The following EGR1 variants were observed in gnomAD, a reference collection of about 807,000 sequenced individuals.
EGR1 encodes early growth response 1.
In EGR1, 8 loss-of-function variants were observed where a neutral mutation model predicts 30.2. The ratio of observed to expected loss-of-function variants is 0.26; its 90% CI spans 0.16 to 0.48. The LOEUF is 0.48. Ranked by LOEUF, EGR1 falls within the 20% of genes least tolerant of loss-of-function variation. The pLI is 0.99. For synonymous variants in EGR1, 334 were observed against 312.8 expected, an observed-to-expected ratio of 1.07 and a Z score of -0.72; for missense variants, 568 against 732.3, an observed-to-expected ratio of 0.78 and a Z score of 2.59.
chr5:138,467,960 C>G lies in EGR1; in HGVS notation c.1511C>G (p.Pro504Arg). The part of the protein sequence containing the change: ...SVATTYSSVP[P>R]AFPAQVSSFP... The stretch of plus-strand genomic sequence containing the variant: ...GCCACCACGTACTCCTCTGTTCCCC[C>G]TGCTTTCCCGGCCCAGGTCAGCAGC... The change falls in exon 2 of 2, where the codon CCT becomes CGT. Residue 504 changes from proline (P) to arginine (R), a missense_variant. Around this residue, in one of 4 missense-constraint regions of EGR1, gnomAD observed 118 missense variants for 161.6 expected, o/e 0.73. Coordinates refer to ENST00000239938, the MANE Select transcript of EGR1 (RefSeq NM_001964.3). The surrounding 1 kb of genome is among the most constrained non-coding windows in gnomAD (Gnocchi z 8.3). 1 of 1,614,108 alleles carries G rather than the reference C, an allele frequency of 6.2e-7. No individual in the cohort carries two copies. The highest frequency in any genetic ancestry group is 8.5e-7 in the Non-Finnish European group (1 of 1,180,000).
Position 138,468,927 on chromosome 5 carries a change from G to C in EGR1, c.*846G>C, listed in dbSNP as rs199706517. Reference sequence around the variant, plus strand: ...GGACATGCTCACCTCTAGCCTTAAGGGGGGCAGGGAGTGATGATTTGGGGG... The same window carrying C: ...GGACATGCTCACCTCTAGCCTTAAGCGGGGCAGGGAGTGATGATTTGGGGG... On this transcript the variant is annotated 3_prime_UTR_variant, in exon 2 of 2. Coordinates refer to ENST00000239938, the MANE Select transcript of EGR1 (RefSeq NM_001964.3). 9 of 152,462 alleles carry C rather than the reference G, an allele frequency of 5.9e-5. No individual in the cohort carries two copies. Among genetic ancestry groups the C allele is most frequent in the East Asian group, 1.9e-4 (1 of 5,172 alleles). 9.4% of individuals were successfully genotyped at this position (152,462 alleles called of 1,614,324 possible).
chr5:138,466,155 G>A lies in EGR1; in HGVS notation c.307+87G>A, dbSNP rs570552373. On this transcript the variant is annotated intron_variant, in intron 1 of 1. Transcript: ENST00000239938. Reference sequence around the variant, plus strand: ...ACCGCAGGAGTGCTCCTGGATCTTAGAATGAGAGCCGGGTTTCCCTTTCAT... The same window carrying A: ...ACCGCAGGAGTGCTCCTGGATCTTAAAATGAGAGCCGGGTTTCCCTTTCAT... 16 of 1,443,322 alleles carry A rather than the reference G, an allele frequency of 1.1e-5. No homozygotes were observed. The East Asian group carries it at 2.7e-4, about 25-fold the overall frequency. 89.4% of individuals were successfully genotyped at this position (1,443,322 alleles called of 1,614,324 possible). A position where few individuals can be genotyped will look rare whatever the true frequency, so the allele number is the denominator to read the frequency against.
At position 138,465,766 on chromosome 5, in the gene EGR1, C is replaced by T; in HGVS notation, c.5C>T (p.Ala2Val). The part of the protein sequence containing the change: M[A>V]AAKAEMQLMS... ...TCTCCAGCCTGCTCGTCCAGGATGGCCGCGGCCAAGGCCGAGATGCAGCTG... is the reference window on the plus strand; with the variant it reads ...TCTCCAGCCTGCTCGTCCAGGATGGTCGCGGCCAAGGCCGAGATGCAGCTG... The change falls in exon 1 of 2, where the codon GCC becomes GTC. Residue 2 changes from alanine to valine, a missense_variant. Transcript: ENST00000239938. 6.3e-7 allele frequency: 1 copy of T among 1,597,780 alleles called. No individual in the cohort carries two copies.
At chr5:138,466,659 T>C in intron 1 of EGR1, 98 bp from the exon 2 acceptor site, 1 of 1,406,626 alleles carries the variant, frequency 7.1e-7, no homozygotes, top group Non-Finnish European at 9.7e-7. Flanking sequence ...GAGTCAATGG[T>C]AGCCGGCCCG....
Position 138,467,654 on chromosome 5 carries a change from G to A in EGR1, c.1205G>A (p.Gly402Glu). 1 of 1,614,174 alleles carries A rather than the reference G, an allele frequency of 6.2e-7. No individual in the cohort carries two copies. The highest frequency in any genetic ancestry group is 8.5e-7 in the Non-Finnish European group (1 of 1,180,042). The change falls in exon 2 of 2, where the codon GGA (glycine) becomes GAA (glutamate). Residue 402 changes from glycine to glutamate, a missense_variant. Physicochemically the swap from Gly to Glu is moderately conservative, Grantham distance 98. Around this residue, in one of 4 missense-constraint regions of EGR1, gnomAD observed 17 missense variants for 97.8 expected, o/e 0.17. Transcript: ENST00000239938. The surrounding 1 kb of genome is among the most constrained non-coding windows in gnomAD (Gnocchi z 8.3). ...GEKPFACDIC[G>E]RKFARSDERK... Reference sequence around the variant, plus strand: ...AAGCCCTTCGCCTGCGACATCTGTGGAAGAAAGTTTGCCAGGAGCGATGAA... The same window carrying A: ...AAGCCCTTCGCCTGCGACATCTGTGAAAGAAAGTTTGCCAGGAGCGATGAA...
At chr5:138,466,319 GGA>G (rs1764157769) in intron 1 of EGR1, among the ~76,000 whole-genome samples, 1 of 152,266 alleles carries the variant, frequency 6.6e-6, no homozygotes, top group Non-Finnish European at 1.5e-5. Flanking sequence ...GTGGGTGGGT[GGA>G]GGGGGAGGGC....
chr5:138,468,254 C>G lies in EGR1; in HGVS notation c.*173C>G. ...AAGGTCTATTGGCCAACAATCCTTT[C>G]TGCCCACTTCCCCTTCCCCAATTAC... On this transcript the variant is annotated 3_prime_UTR_variant, in exon 2 of 2. Transcript: ENST00000239938. 1 of 1,397,578 alleles carries G rather than the reference C, an allele frequency of 7.2e-7. No individual in the cohort carries two copies. The highest frequency in any genetic ancestry group is 9.8e-7 in the Non-Finnish European group (1 of 1,022,498). The allele number at this position is 1,397,578 out of a possible 1,614,324, so 86.6% of individuals were successfully genotyped here.
intron 1 of EGR1, 35 bp from the exon 2 acceptor site, chr5:138,466,722 G>GT (rs1561814155): frequency 3.2e-6 from 5 of 1,577,468 alleles, no homozygotes; most frequent in Non-Finnish European, 4.3e-6. Flanking sequence ...TTGCTTTCCA[G>GT]TAACCAGGCC....
chr5:138,467,386 T>A lies in EGR1; in HGVS notation c.937T>A (p.Ser313Thr). ...GAAGGCCCTCAATACCAGCTACCAG[T>A]CCCAGCTCATCAAACCCAGCCGCAT... ...DLKALNTSYQ[S>T]QLIKPSRMRK... Residue 313 changes from serine (S) to threonine (T), a missense_variant, in exon 2 of 2, where the codon TCC becomes ACC. Around this residue, in one of 4 missense-constraint regions of EGR1, gnomAD observed 415 missense variants for 445.2 expected, o/e 0.93. Transcript: ENST00000239938. The surrounding 1 kb of genome is among the most constrained non-coding windows in gnomAD (Gnocchi z 8.3). 1 of 1,613,948 alleles carries A rather than the reference T, an allele frequency of 6.2e-7. No individual in the cohort carries two copies. Among genetic ancestry groups the A allele is most frequent in the Non-Finnish European group, 8.5e-7 (1 of 1,179,976 alleles).
Position 138,465,984 on chromosome 5 carries a change from G to A in EGR1, c.223G>A (p.Gly75Ser), listed in dbSNP as rs1382558474. 1.2e-6 allele frequency: 2 copies of A among 1,609,976 alleles called. No individual in the cohort carries two copies. The highest frequency in any genetic ancestry group is 2.2e-5 in the East Asian group (1 of 44,804). The change falls in exon 1 of 2, where the codon GGC becomes AGC. Residue 75 changes from glycine (G) to serine (S), a missense_variant. Physicochemically the swap from Gly to Ser is moderately conservative, Grantham distance 56. This residue lies in a region of EGR1 where 415 missense variants were observed against 445.2 expected (regional missense o/e 0.93). Transcript: ENST00000239938. ...SSSGGGGGGG[G>S]GSNSSSSSST... is the part of the protein sequence containing the mutation. ...CAGCGGGGGCGGTGGAGGCGGCGGG[G>A]GCGGCAGCAACAGCAGCAGCAGCAG... is the stretch of plus-strand genomic sequence containing the variant.
chr5:138,467,463 C>T lies in EGR1; in HGVS notation c.1014C>T (p.Tyr338=), dbSNP rs1231482673. 6.2e-7 allele frequency: 1 copy of T among 1,613,940 alleles called. No individual in the cohort carries two copies. Among genetic ancestry groups the T allele is most frequent in the Non-Finnish European group, 8.5e-7 (1 of 1,180,022 alleles). The part of the protein sequence containing the change: ...PSKTPPHERP[Y]ACPVESCDRR... ...AGACGCCCCCCCACGAACGCCCTTACGCTTGCCCAGTGGAGTCCTGTGATC... is the reference window on the plus strand; with the variant it reads ...AGACGCCCCCCCACGAACGCCCTTATGCTTGCCCAGTGGAGTCCTGTGATC... Residue 338 remains tyrosine, a synonymous_variant, in exon 2 of 2, where the codon TAC becomes TAT. Transcript: ENST00000239938. This position sits in a 1 kb window ranked among gnomAD's most constrained non-coding sequence, Gnocchi z 8.3.
chr5:138,466,964 C>G lies in EGR1; in HGVS notation c.515C>G (p.Ser172Cys), dbSNP rs774169562. The G allele has an allele frequency of 1.9e-6, 3 of 1,614,082 alleles. No homozygotes were observed. The highest frequency in any genetic ancestry group is 1.7e-5 in the Admixed American group (1 of 60,022). ...VSMTNPPASS[S>C]SAPSPAASSA... is the part of the protein sequence containing the mutation. ...ATGACCAACCCACCGGCCTCCTCGT[C>G]CTCAGCACCATCTCCAGCGGCCTCC... is the stretch of plus-strand genomic sequence containing the variant. The change falls in exon 2 of 2, where the codon TCC becomes TGC. Residue 172 changes from serine (S) to cysteine (C), a missense_variant. Physicochemically the swap from Ser to Cys is moderately radical, Grantham distance 112. Coordinates refer to ENST00000239938, the MANE Select transcript of EGR1 (RefSeq NM_001964.3).
Position 138,467,964 on chromosome 5 carries a change from T to G in EGR1, c.1515T>G (p.Ala505=), listed in dbSNP as rs1420430497. The change falls in exon 2 of 2, where the codon GCT becomes GCG. Residue 505 remains alanine, a synonymous_variant. Coordinates refer to ENST00000239938, the MANE Select transcript of EGR1 (RefSeq NM_001964.3). This position sits in a 1 kb window ranked among gnomAD's most constrained non-coding sequence, Gnocchi z 8.3. ...VATTYSSVPP[A]FPAQVSSFPS... ...CCACGTACTCCTCTGTTCCCCCTGCTTTCCCGGCCCAGGTCAGCAGCTTCC... is the reference window on the plus strand; with the variant it reads ...CCACGTACTCCTCTGTTCCCCCTGCGTTCCCGGCCCAGGTCAGCAGCTTCC... 1 of 1,614,010 alleles carries G rather than the reference T, an allele frequency of 6.2e-7. No individual in the cohort carries two copies. The highest frequency in any genetic ancestry group is 1.1e-5 in the South Asian group (1 of 91,064).
rs772158966 is a variant in EGR1 at position 138,465,997 on chromosome 5, G to A, written c.236G>A (p.Ser79Asn). 1.2e-5 allele frequency: 18 copies of A among 1,564,106 alleles called. No individual in the cohort carries two copies. Among genetic ancestry groups the A allele is most frequent in the Non-Finnish European group, 1.4e-5 (16 of 1,150,452 alleles). The change falls in exon 1 of 2, where the codon AGC (serine) becomes AAC (asparagine). Residue 79 changes from serine to asparagine, a missense_variant. By Grantham distance (46) the Ser-to-Asn change is conservative (BLOSUM62 1). Coordinates refer to ENST00000239938, the MANE Select transcript of EGR1 (RefSeq NM_001964.3). ...GGGGGGGGSN[S>N]SSSSSTFNPQ... Reference sequence around the variant, plus strand: ...GGAGGCGGCGGGGGCGGCAGCAACAGCAGCAGCAGCAGCAGCACCTTCAAC... The same window carrying A: ...GGAGGCGGCGGGGGCGGCAGCAACAACAGCAGCAGCAGCAGCACCTTCAAC...
intron 1 of EGR1, among the ~76,000 whole-genome samples, 177 bp downstream of exon 1, chr5:138,466,245 C>T (rs2127036808): frequency 6.6e-6 from 1 of 152,388 alleles, no homozygotes; most frequent in Non-Finnish European, 1.5e-5. Context: ...CCACCCCCTG[C>T]CCTCATCCCT....
At chr5:138,466,090 G>A in intron 1 of EGR1, 22 bp downstream of exon 1, 1 of 1,533,770 alleles carries the variant, frequency 6.5e-7, no homozygotes, top group Middle Eastern at 1.7e-4. Context: ...CCTACGCCGA[G>A]GGGGAACCCT....
chr5:138,465,599 G>T lies in EGR1; in HGVS notation c.-163G>T, dbSNP rs1004424241. On this transcript the variant is annotated 5_prime_UTR_variant, in exon 1 of 2. Coordinates refer to ENST00000239938, the MANE Select transcript of EGR1 (RefSeq NM_001964.3). The stretch of plus-strand genomic sequence containing the variant: ...CCGCAGCCGCGGCGCGTCCACGCCC[G>T]CCCGCGCCCAGGGCGAGTCGGGGTC... The T allele has an allele frequency of 1.4e-6, 1 of 708,724 alleles. No individual in the cohort carries two copies. Among genetic ancestry groups the T allele is most frequent in the Admixed American group, 4.4e-5 (1 of 22,842 alleles). 43.9% of individuals were successfully genotyped at this position (708,724 alleles called of 1,614,324 possible). A position where few individuals can be genotyped will look rare whatever the true frequency, so the allele number is the denominator to read the frequency against.
Position 138,467,922 on chromosome 5 carries a change from C to T in EGR1, c.1473C>T (p.Pro491=), listed in dbSNP as rs956754060. ...CATCCCCTGTGCACAGTGGCTTCCC[C>T]TCCCCGTCGGTGGCCACCACGTACT... ...TYPSPVHSGF[P]SPSVATTYSS... The change falls in exon 2 of 2, where the codon CCC becomes CCT. Residue 491 remains proline (P), a synonymous_variant. Coordinates refer to ENST00000239938, the MANE Select transcript of EGR1 (RefSeq NM_001964.3). This position sits in a 1 kb window ranked among gnomAD's most constrained non-coding sequence, Gnocchi z 8.3. 3.1e-6 allele frequency: 5 copies of T among 1,613,454 alleles called. No homozygotes were observed. The highest frequency in any genetic ancestry group is 4.2e-6 in the Non-Finnish European group (5 of 1,179,514).
chr5:138,468,407 T>C lies in EGR1; in HGVS notation c.*326T>C. On this transcript the variant is annotated 3_prime_UTR_variant, in exon 2 of 2. Coordinates refer to ENST00000239938, the MANE Select transcript of EGR1 (RefSeq NM_001964.3). ...CATCTCCATCATATGCCTGACCCCT[T>C]GCTCCCTTCAATGCTAGAAAATCGA... 1 of 493,700 alleles carries C rather than the reference T, an allele frequency of 2.0e-6. No homozygotes were observed. Among genetic ancestry groups the C allele is most frequent in the Non-Finnish European group, 3.9e-6 (1 of 254,170 alleles). The allele number at this position is 493,700 out of a possible 1,614,324, so 30.6% of individuals were successfully genotyped here.
Sources: allele counts gnomAD v4.1 joint callset (sites outside exome capture counted in the v4.1 genomes callset), GRCh38; gene constraint gnomAD v4.1.1; regional missense constraint gnomAD v4.1.1; non-coding constraint Gnocchi (gnomAD v3.1); transcripts MANE v1.5; gene names NCBI Gene and HGNC (gene_info 2026-07-23, HGNC 2026-07-21).